The following TSHZ1 variants were observed in gnomAD, a reference collection of about 807,000 sequenced individuals.
TSHZ1 encodes teashirt homolog 1.
A neutral mutation model predicts 67.1 loss-of-function variants in TSHZ1; 12 were observed. The observed-to-expected ratio is 0.18, with a 90% confidence interval of 0.11 to 0.29. The LOEUF (loss-of-function observed/expected upper bound fraction) is 0.29, where lower values mean the gene tolerates loss of function less well. TSHZ1 is among the 10% of genes least tolerant of loss of function. TSHZ1 has a pLI of 1.00. For synonymous variants in TSHZ1, 632 were observed against 622.4 expected (o/e 1.02, Z -0.23); for missense variants, 1,305 against 1,413.9 (o/e 0.92, Z 1.23).
At chr18:75,216,501 G>T (rs2022769813) in intron 1 of TSHZ1, among the ~76,000 whole-genome samples, 1 of 152,150 alleles carries the variant, frequency 6.6e-6, no homozygotes. Context: ...ATTCCAGAAA[G>T]TTTCTGTAGT....
At chr18:75,227,667 G>A (rs751414136) in intron 1 of TSHZ1, among the ~76,000 whole-genome samples, 15 of 152,224 alleles carry the variant, frequency 9.9e-5, no homozygotes, top group South Asian at 2.1e-4. Flanking sequence ...TTTGTACTTC[G>A]TACAGTCCCT....
At position 75,260,227 on chromosome 18, in the gene TSHZ1, A is replaced by G. The variant is rs545160322; in HGVS notation, c.41-25221A>G. On this transcript the variant is annotated intron_variant, in intron 1 of 1. Coordinates refer to ENST00000580243, the MANE Select transcript of TSHZ1 (RefSeq NM_001308210.2). ...CTGGCCTTCAGTCACTAACGTGTGAATTCATTTCAATAGCAAATATTTATT... is the reference window on the plus strand; with the variant it reads ...CTGGCCTTCAGTCACTAACGTGTGAGTTCATTTCAATAGCAAATATTTATT... 4.6e-5 allele frequency among the ~76,000 whole-genome samples: 7 copies of G among 152,054 alleles called. No individual in the cohort carries two copies. In the East Asian group the frequency reaches 1.4e-3, roughly 30 times the overall value.
intron 1 of TSHZ1, among the ~76,000 whole-genome samples, chr18:75,216,630 A>G (rs1307113588): frequency 3.3e-5 from 5 of 152,366 alleles, no homozygotes; most frequent in Admixed American, 2.6e-4. Context: ...AGTATTTTAG[A>G]AATCACTTTG....
intron 1 of TSHZ1, among the ~76,000 whole-genome samples, chr18:75,243,541 G>A (rs1191020244): frequency 6.6e-6 from 1 of 152,174 alleles, no homozygotes; most frequent in Non-Finnish European, 1.5e-5. Flanking sequence ...AAGATGAGGA[G>A]ATCAGGGGCT....
At chr18:75,239,535 C>G (rs376931624) in intron 1 of TSHZ1, among the ~76,000 whole-genome samples, 2 of 152,172 alleles carry the variant, frequency 1.3e-5, no homozygotes, top group East Asian at 3.9e-4. Flanking sequence ...GGATCTGGCT[C>G]TGTCGTCCAG....
intron 1 of TSHZ1, among the ~76,000 whole-genome samples, chr18:75,272,138 C>A (rs920348562): frequency 1.3e-5 from 2 of 152,178 alleles, no homozygotes; most frequent in African/African-American, 4.8e-5. Context: ...GGGGCATAGA[C>A]CGATTCATCT....
chr18:75,288,302 A>G lies in TSHZ1; in HGVS notation c.2895A>G (p.Thr965=). The G allele has an allele frequency of 1.2e-6, 2 of 1,614,238 alleles. No individual in the cohort carries two copies. The highest frequency in any genetic ancestry group is 1.7e-6 in the Non-Finnish European group (2 of 1,180,052). Residue 965 remains threonine, a synonymous_variant, in exon 2 of 2, where the codon ACA becomes ACG. Transcript: ENST00000580243. The surrounding 1 kb of genome is among the most constrained non-coding windows in gnomAD (Gnocchi z 4.9). ...GGTKFLKNLD[T]GHPVFFCNDC... is the part of the protein sequence containing the mutation. ...CGAAATTCCTAAAGAACCTGGACAC[A>G]GGGCATCCTGTTTTCTTTTGCAACG...
intron 1 of TSHZ1, among the ~76,000 whole-genome samples, chr18:75,213,988 C>T (rs995161711): frequency 2.0e-5 from 3 of 152,200 alleles, no homozygotes; most frequent in Non-Finnish European, 4.4e-5. Context: ...TGAGACAGCA[C>T]ATGTTCCAAG....
chr18:75,246,037 C>T (rs571461205), intron 1 of TSHZ1, among the ~76,000 whole-genome samples: 6 of 152,290 alleles, frequency 3.9e-5, no homozygotes, highest in African/African-American at 7.2e-5. Context: ...ACCACCTCAC[C>T]GCCCTTCCAG....
rs762347831 is a variant in TSHZ1 at position 75,287,648 on chromosome 18, C to T, written c.2241C>T (p.Ser747=). ...AGCCTTCCTTCATCAACCCGCTGAG[C>T]GCTTTGCAGTCCATCATGAACACCC... is the stretch of plus-strand genomic sequence containing the variant. The part of the protein sequence containing the change: ...SPEPSFINPL[S]ALQSIMNTHL... Residue 747 remains serine, a synonymous_variant, in exon 2 of 2, where the codon AGC becomes AGT. Transcript: ENST00000580243. The surrounding 1 kb of genome is among the most constrained non-coding windows in gnomAD (Gnocchi z 5.0). The T allele has an allele frequency of 1.4e-5, 23 of 1,614,006 alleles. 1 individual carries two copies. The highest frequency in any genetic ancestry group is 1.2e-4 in the South Asian group (11 of 91,074).
chr18:75,261,832 A>G (rs943928257), intron 1 of TSHZ1, among the ~76,000 whole-genome samples: 2 of 152,230 alleles, frequency 1.3e-5, no homozygotes, highest in Non-Finnish European at 2.9e-5. Context: ...TAATTTCCAT[A>G]TAGGATAACC....
chr18:75,268,737 C>G (rs766416077), intron 1 of TSHZ1, among the ~76,000 whole-genome samples: 11 of 152,188 alleles, frequency 7.2e-5, no homozygotes, highest in Non-Finnish European at 1.5e-4. Flanking sequence ...TCATTTCCCT[C>G]CTGCCATTTG....
rs571434627 is a variant in TSHZ1 at position 75,281,192 on chromosome 18, A to G, written c.41-4256A>G. On this transcript the variant is annotated intron_variant, in intron 1 of 1. Transcript: ENST00000580243. This position sits in a 1 kb window ranked among gnomAD's most constrained non-coding sequence, Gnocchi z 5.3. ...AGCGAGGTCATCTGGGGACGTTGGA[A>G]GGCTCTGGCCACAGCTGGTCATCAG... is the stretch of plus-strand genomic sequence containing the variant. Among the ~76,000 whole-genome samples, 136 of 152,186 alleles carry G rather than the reference A, an allele frequency of 8.9e-4. No individual in the cohort carries two copies. Among genetic ancestry groups the G allele is most frequent in the Non-Finnish European group, 1.6e-3 (107 of 68,018 alleles).
intron 1 of TSHZ1, among the ~76,000 whole-genome samples, chr18:75,267,192 A>C (rs1020493117): frequency 6.6e-6 from 1 of 152,230 alleles, no homozygotes; most frequent in African/African-American, 2.4e-5. Flanking sequence ...ACCTCATTTT[A>C]CATTGCAGCT....
chr18:75,263,351 TC>T (rs573148256), intron 1 of TSHZ1, among the ~76,000 whole-genome samples: 19 of 152,214 alleles, frequency 1.2e-4, no homozygotes, highest in Non-Finnish European at 2.1e-4. Context: ...AAATAATGTC[TC>T]CTTTGTTCTT....
Position 75,288,229 on chromosome 18 carries a change from G to A in TSHZ1, c.2822G>A (p.Ser941Asn), listed in dbSNP as rs2023811459. ...KFTGLSMTTI[S>N]HWLANVKYQL... ...ACTGGGCTCTCCATGACCACCATCA[G>A]CCACTGGCTGGCCAATGTGAAGTAC... The change falls in exon 2 of 2, where the codon AGC becomes AAC. Residue 941 changes from serine (S) to asparagine (N), a missense_variant. Physicochemically the swap from Ser to Asn is conservative, Grantham distance 46. Coordinates refer to ENST00000580243, the MANE Select transcript of TSHZ1 (RefSeq NM_001308210.2). The surrounding 1 kb of genome is among the most constrained non-coding windows in gnomAD (Gnocchi z 4.9). The A allele has an allele frequency of 6.2e-7, 1 of 1,614,220 alleles. No homozygotes were observed. Among genetic ancestry groups the A allele is most frequent in the Non-Finnish European group, 8.5e-7 (1 of 1,180,042 alleles).
intron 1 of TSHZ1, chr18:75,285,146 G>A (rs1361709415): frequency 1.6e-5 from 4 of 249,080 alleles, no homozygotes; most frequent in Non-Finnish European, 3.1e-5. Flanking sequence ...TTGGCAGGTG[G>A]TGGCTGGAGT....
At chr18:75,260,266 A>G (rs2023414516) in intron 1 of TSHZ1, among the ~76,000 whole-genome samples, 1 of 152,192 alleles carries the variant, frequency 6.6e-6, no homozygotes, top group African/African-American at 2.4e-5. Context: ...ATCTTCCTGG[A>G]CAAAAGAAAA....
chr18:75,242,325 G>A (rs1317336467), intron 1 of TSHZ1, among the ~76,000 whole-genome samples: 1 of 152,212 alleles, frequency 6.6e-6, no homozygotes, highest in East Asian at 1.9e-4. Flanking sequence ...TGACACACGA[G>A]CTGGCTGGTC....
Sources: gnomAD v4.1 joint callset for allele counts (sites outside exome capture counted in the v4.1 genomes callset) on GRCh38, gnomAD v4.1.1 for gene constraint, Gnocchi (gnomAD v3.1) non-coding constraint, MANE v1.5 for transcripts, NCBI Gene and HGNC (gene_info 2026-07-23, HGNC 2026-07-21) for gene names.